The following DGKB variants were observed in gnomAD, a reference collection of about 807,000 sequenced individuals.
DGKB encodes the protein diacylglycerol kinase beta.
DGKB carries 67 observed loss-of-function variants against 114.3 expected under a neutral mutation model. The observed-to-expected ratio is 0.59, with a 90% confidence interval of 0.48 to 0.72. DGKB has a LOEUF of 0.72. Ranked by LOEUF, DGKB falls within the 30% of genes least tolerant of loss-of-function variation. The pLI, the probability that DGKB is intolerant of heterozygous loss-of-function variation, is 0.00. For missense variants in DGKB, 907 were observed against 975.2 expected (o/e 0.93, Z 0.93); for synonymous variants, 398 against 323.1 (o/e 1.23, Z -2.49).
chr7:14,529,440 A>C (rs1191123223), intron 20 of DGKB, among the ~76,000 whole-genome samples: 1 of 151,908 alleles, frequency 6.6e-6, no homozygotes, highest in Non-Finnish European at 1.5e-5. Context: ...AATATGATTA[A>C]AAACATTAAT....
chr7:14,239,915 T>C (rs886776885), intron 23 of DGKB, among the ~76,000 whole-genome samples: 1 of 152,154 alleles, frequency 6.6e-6, no homozygotes, highest in Non-Finnish European at 1.5e-5. Context: ...GTATCTATTT[T>C]ACCATATTAC....
chr7:14,635,259 A>C (rs1352380406), intron 13 of DGKB, among the ~76,000 whole-genome samples: 1 of 89,952 alleles, frequency 1.1e-5, no homozygotes, highest in African/African-American at 5.8e-5. Flanking sequence ...ATGATTGTTT[A>C]TGTCTATTTG....
intron 23 of DGKB, among the ~76,000 whole-genome samples, chr7:14,318,985 T>C (rs1416925327): frequency 2.0e-5 from 3 of 151,998 alleles, no homozygotes; most frequent in African/African-American, 4.8e-5. Context: ...ATGTCCTTTG[T>C]AGGGACTTGG....
chr7:14,914,653 A>T (rs540868474), intron 1 of DGKB, among the ~76,000 whole-genome samples: 100 of 152,320 alleles, frequency 6.6e-4, no homozygotes, highest in Middle Eastern at 3.4e-3. Flanking sequence ...GAAGAGACAA[A>T]GCAAGCATCA....
chr7:14,969,145 A>G (rs947806199), intron 1 of DGKB, among the ~76,000 whole-genome samples: 2 of 152,326 alleles, frequency 1.3e-5, no homozygotes, highest in Non-Finnish European at 1.5e-5. Context: ...TCTTGATATT[A>G]CCGTCTGTCA....
At chr7:14,600,732 C>T (rs1368255147) in intron 17 of DGKB, among the ~76,000 whole-genome samples, 1 of 152,178 alleles carries the variant, frequency 6.6e-6, no homozygotes, top group Non-Finnish European at 1.5e-5. Flanking sequence ...ACTCTTGAAG[C>T]TGGGAATAAC....
intron 23 of DGKB, among the ~76,000 whole-genome samples, chr7:14,329,271 A>C (rs1026952466): frequency 1.3e-5 from 2 of 151,832 alleles, no homozygotes; most frequent in African/African-American, 4.8e-5. Context: ...TCTTAGAAAA[A>C]GTGTGCAAGC....
rs1378719804 is a variant in DGKB at position 14,718,634 on chromosome 7, G to T, written c.374C>A (p.Ala125Glu). The change falls in exon 6 of 26, where the codon GCA becomes GAA. Residue 125 changes from alanine (A) to glutamate (E), a missense_variant. Coordinates refer to ENST00000402815, the MANE Select transcript of DGKB (RefSeq NM_001350709.2). The stretch of plus-strand genomic sequence containing the variant: ...GATTACTTCTGGGGAACACGTATTT[G>T]CAGGAGAAGTAGTCCGGGGAGGGGT... ...AITPPRTTSP[A>E]NTCSPEVIHL... The T allele has an allele frequency of 9.9e-6, 16 of 1,612,190 alleles. No homozygotes were observed. Among genetic ancestry groups the T allele is most frequent in the Non-Finnish European group, 1.4e-5 (16 of 1,178,544 alleles).
chr7:14,752,241 A>G lies in DGKB; in HGVS notation c.168+1687T>C, dbSNP rs1379997986. 3.3e-5 allele frequency among the ~76,000 whole-genome samples: 5 copies of G among 152,172 alleles called. No individual in the cohort carries two copies. The East Asian group carries it at 9.6e-4, about 29-fold the overall frequency. On this transcript the variant is annotated intron_variant, in intron 4 of 25. Transcript: ENST00000402815. ...GGTTTTTATATCATTGTTAATAATT[A>G]TATCAGTGTCATTATCCTTGTTAAA...
intron 23 of DGKB, among the ~76,000 whole-genome samples, chr7:14,272,874 A>G (rs906749007): frequency 6.6e-6 from 1 of 152,238 alleles, no homozygotes; most frequent in East Asian, 1.9e-4. Flanking sequence ...TTGAAAGGAA[A>G]AAAAAGATAT....
intron 20 of DGKB, among the ~76,000 whole-genome samples, chr7:14,535,448 C>T (rs1355456209): frequency 1.3e-5 from 2 of 149,972 alleles, no homozygotes; most frequent in Admixed American, 1.3e-4. Flanking sequence ...AACAACCTAA[C>T]TTTATACCTC....
rs1370204461 is a variant in DGKB at position 14,176,620 on chromosome 7, G to C, written c.2304+219C>G. ...TATTTAAAAGATCTATTTATACTTA[G>C]GCTAACACAAACATTCAAGAGCTAA... On this transcript the variant is annotated intron_variant, in intron 25 of 25. Coordinates refer to ENST00000402815, the MANE Select transcript of DGKB (RefSeq NM_001350709.2). 3.1e-6 allele frequency: 4 copies of C among 1,280,102 alleles called. No individual in the cohort carries two copies. The African/African-American group carries it at 6.1e-5, about 19-fold the overall frequency. The allele number at this position is 1,280,102 out of a possible 1,614,324, so 79.3% of individuals were successfully genotyped here. A position where few individuals can be genotyped will look rare whatever the true frequency, so the allele number is the denominator to read the frequency against.
At chr7:14,682,899 TAGAG>T (rs1821079298) in intron 10 of DGKB, 58 bp from the exon 11 acceptor site, 1 of 1,236,134 alleles carries the variant, frequency 8.1e-7, no homozygotes, top group Non-Finnish European at 1.2e-6. Flanking sequence ...TGTAATTTTA[TAGAG>T]AAAGAATGAC....
At chr7:14,532,005 C>T (rs1791666765) in intron 20 of DGKB, among the ~76,000 whole-genome samples, 1 of 150,978 alleles carries the variant, frequency 6.6e-6, no homozygotes, top group Non-Finnish European at 1.5e-5. Context: ...TCCCTTTAAA[C>T]CATATACAAA....
chr7:14,562,211 T>G (rs1796760978), intron 20 of DGKB, among the ~76,000 whole-genome samples: 1 of 152,188 alleles, frequency 6.6e-6, no homozygotes, highest in African/African-American at 2.4e-5. Context: ...AGAATTGAGG[T>G]TTGGAAACCT....
At chr7:14,517,439 GA>G (rs75957414) in intron 20 of DGKB, among the ~76,000 whole-genome samples, 46 of 148,254 alleles carry the variant, frequency 3.1e-4, no homozygotes, top group African/African-American at 9.5e-4. Context: ...ATTGCAAAAA[GA>G]AAAAAAAAAC....
At chr7:14,701,545 A>C in intron 7 of DGKB, 136 bp downstream of exon 7, 1 of 635,588 alleles carries the variant, frequency 1.6e-6, no homozygotes, top group Non-Finnish European at 2.8e-6. Flanking sequence ...AAAAGTCAAA[A>C]AGATAAAAAT....
chr7:14,836,073 A>G (rs1482917365), intron 2 of DGKB, among the ~76,000 whole-genome samples: 1 of 152,168 alleles, frequency 6.6e-6, no homozygotes, highest in East Asian at 1.9e-4. Context: ...GCTGAGGCTC[A>G]GGTAGTTTAT....
chr7:14,675,699 A>T (rs771393192), intron 12 of DGKB, among the ~76,000 whole-genome samples: 15 of 151,914 alleles, frequency 9.9e-5, no homozygotes, highest in Non-Finnish European at 2.1e-4. Context: ...ACATAGGAGG[A>T]TCTATAAGTT....
Sources: allele counts gnomAD v4.1 joint callset (sites outside exome capture counted in the v4.1 genomes callset), GRCh38; gene constraint gnomAD v4.1.1; transcripts MANE v1.5; gene names NCBI Gene and HGNC (gene_info 2026-07-23, HGNC 2026-07-21).